The following ITGA7 variants were observed in gnomAD, a reference collection of about 807,000 sequenced individuals.
ITGA7 encodes the protein integrin alpha-7.
ITGA7 carries 84 observed loss-of-function variants against 131.6 expected under a neutral mutation model. The ratio of observed to expected loss-of-function variants is 0.64; its 90% CI spans 0.54 to 0.77. ITGA7 has a LOEUF of 0.77. Ranked by LOEUF, ITGA7 falls within the 30% of genes least tolerant of loss-of-function variation. The pLI is 0.00. For synonymous variants in ITGA7, 548 were observed against 600.7 expected, an observed-to-expected ratio of 0.91 and a Z score of 1.28; for missense variants, 1,399 against 1,482.9, an observed-to-expected ratio of 0.94 and a Z score of 0.93.
chr12:55,707,568 T>C lies in ITGA7; in HGVS notation c.115A>G (p.Met39Val). 1 of 1,613,544 alleles carries C rather than the reference T, an allele frequency of 6.2e-7. No individual in the cohort carries two copies. The highest frequency in any genetic ancestry group is 8.5e-7 in the Non-Finnish European group (1 of 1,179,822). The change falls in exon 1 of 25, where the codon ATG becomes GTG. Residue 39 changes from methionine to valine, a missense_variant. Transcript: ENST00000257879. Reference sequence around the variant, plus strand: ...TCGCCCTCCTTGCGCAAGGCACCCATCACGTCCAGATTGAAGGCGACAGCC... The same window carrying C: ...TCGCCCTCCTTGCGCAAGGCACCCACCACGTCCAGATTGAAGGCGACAGCC... The part of the protein sequence containing the change: ...SRAVAFNLDV[M>V]GALRKEGEPG...
At chr12:55,716,130 G>A (rs756885065), upstream of ITGA7, 5 of 1,610,952 alleles carry the variant, frequency 3.1e-6, no homozygotes, top group South Asian at 2.2e-5. Context: ...CCAGCCCGAC[G>A]TGACCATGCT....
At chr12:55,692,246 G>A (rs961120583) in intron 21 of ITGA7, among the ~76,000 whole-genome samples, 7 of 152,086 alleles carry the variant, frequency 4.6e-5, no homozygotes, top group Non-Finnish European at 7.4e-5. Context: ...GTGAAACCCC[G>A]TCTCTACTAA....
At chr12:55,692,484 AC>A (rs1871649154) in intron 21 of ITGA7, among the ~76,000 whole-genome samples, 1 of 152,228 alleles carries the variant, frequency 6.6e-6, no homozygotes, top group East Asian at 1.9e-4. Flanking sequence ...ACACAAATTG[AC>A]TTTTTTATCT....
Position 55,688,221 on chromosome 12 carries a change from A to G in ITGA7, c.3038T>C (p.Leu1013Pro). ...TVKSSIKNLMLRDASTVIPVM... is the reference protein window; with the variant it reads ...TVKSSIKNLMPRDASTVIPVM... ...GCTCACCACTGTGGAGGCATCTCGG[A>G]GCATCAAGTTCTTTATGGAGGACTT... The change falls in exon 23 of 25, where the codon CTC (leucine) becomes CCC (proline). Residue 1013 changes from leucine (L) to proline (P), a missense_variant. Transcript: ENST00000257879. 1 of 1,614,144 alleles carries G rather than the reference A, an allele frequency of 6.2e-7. No homozygotes were observed. Among genetic ancestry groups the G allele is most frequent in the Non-Finnish European group, 8.5e-7 (1 of 1,180,000 alleles).
Position 55,697,521 on chromosome 12 carries a change from G to A in ITGA7, c.1435C>T (p.His479Tyr), listed in dbSNP as rs866304298. ...CTTCGTGGAGCAATAGAGACCTCAT[G>A]GGAGACATGGAGGATGGGTCTGGCC... ...FRARPILHVS[H>Y]EVSIAPRSID... Residue 479 changes from histidine to tyrosine, a missense_variant, in exon 10 of 25, where the codon CAT becomes TAT. Transcript: ENST00000257879. 2 of 1,613,906 alleles carry A rather than the reference G, an allele frequency of 1.2e-6. No individual in the cohort carries two copies. The highest frequency in any genetic ancestry group is 2.7e-5 in the African/African-American group (2 of 74,936).
At chr12:55,697,160 A>T in intron 11 of ITGA7, 56 bp downstream of exon 11, 2 of 1,569,370 alleles carry the variant, frequency 1.3e-6, no homozygotes, top group South Asian at 1.2e-5. Flanking sequence ...CCTCGAAGTG[A>T]CCCCCCTCCC....
At chr12:55,700,111 G>C in intron 4 of ITGA7, 122 bp from the exon 5 acceptor site, 1 of 1,425,310 alleles carries the variant, frequency 7.0e-7, no homozygotes, top group South Asian at 1.2e-5. Flanking sequence ...GAGAGAAAAA[G>C]AGACCAGAGA....
chr12:55,707,906 C>T, upstream of ITGA7: 1 of 1,406,706 alleles, frequency 7.1e-7, no homozygotes, highest in Non-Finnish European at 9.2e-7. Context: ...GGCGCCCACT[C>T]CGGCTCCCGC....
At chr12:55,699,058 G>C in intron 5 of ITGA7, 141 bp from the exon 6 acceptor site, 1 of 747,764 alleles carries the variant, frequency 1.3e-6, no homozygotes, top group Non-Finnish European at 2.2e-6. Flanking sequence ...CCCTCCCCTA[G>C]GTTAAGAGCC....
chr12:55,705,136 G>A (rs965991128), intron 1 of ITGA7, among the ~76,000 whole-genome samples: 1 of 152,122 alleles, frequency 6.6e-6, no homozygotes, highest in African/African-American at 2.4e-5. Context: ...CAAAAGTAGG[G>A]AGGAGGGGAG....
At position 55,698,502 on chromosome 12, in the gene ITGA7, T is replaced by TA. The variant is rs750756707; in HGVS notation, c.1072dup (p.Tyr358LeufsTer21). 1.6e-5 allele frequency: 26 copies of TA among 1,613,882 alleles called. No homozygotes were observed. The highest frequency in any genetic ancestry group is 2.0e-5 in the Non-Finnish European group (24 of 1,179,934). ...AGCCCAGTGACCCCCCTGGTTCAAG[T>TA]ACACATACACAGCACCCCCCAGCTC... On this transcript the variant is annotated frameshift_variant, in exon 7 of 25. Coordinates refer to ENST00000257879, the MANE Select transcript of ITGA7 (RefSeq NM_002206.3). LOFTEE classifies it high-confidence loss of function.
chr12:55,693,910 C>A, intron 19 of ITGA7, 111 bp downstream of exon 19: 1 of 875,222 alleles, frequency 1.1e-6, no homozygotes, highest in Non-Finnish European at 1.9e-6. Context: ...AGGCCTCAAA[C>A]TGCATGCTGC....
At chr12:55,686,761 C>T (rs1163316961) in intron 24 of ITGA7, among the ~76,000 whole-genome samples, 1 of 152,352 alleles carries the variant, frequency 6.6e-6, no homozygotes, top group East Asian at 1.9e-4. Context: ...TCTGGGTGTA[C>T]AAGAATGCTT....
chr12:55,708,565 T>A (rs1257102630), upstream of ITGA7, among the ~76,000 whole-genome samples: 1 of 149,646 alleles, frequency 6.7e-6, no homozygotes, highest in Non-Finnish European at 1.5e-5. Flanking sequence ...AGGAAAGGAA[T>A]AGAGAGGAAG....
chr12:55,700,068 A>C, intron 4 of ITGA7, 79 bp from the exon 5 acceptor site: 1 of 1,555,768 alleles, frequency 6.4e-7, no homozygotes, highest in South Asian at 1.1e-5. Flanking sequence ...AGCCACAGAA[A>C]GGCCAGAAAA....
intron 21 of ITGA7, among the ~76,000 whole-genome samples, chr12:55,691,640 AAG>A (rs1222037090): frequency 4.6e-5 from 7 of 152,236 alleles, no homozygotes; most frequent in Non-Finnish European, 7.3e-5. Flanking sequence ...TGAAAACAAA[AAG>A]AATCTATTTC....
chr12:55,698,691 C>T lies in ITGA7; in HGVS notation c.998+19G>A, dbSNP rs376661665. ...TAGACCCAGCCTCCCTCAGGTGGCA[C>T]GGCCCTCTACCCACTCACCCATCAC... On this transcript the variant is annotated intron_variant, in intron 6 of 24. Coordinates refer to ENST00000257879, the MANE Select transcript of ITGA7 (RefSeq NM_002206.3). The T allele has an allele frequency of 9.9e-6, 16 of 1,613,400 alleles. No homozygotes were observed. In the African/African-American group the frequency reaches 1.1e-4, roughly 11 times the overall value.
At chr12:55,708,380 T>C (rs1033486736), upstream of ITGA7, among the ~76,000 whole-genome samples, 9 of 152,064 alleles carry the variant, frequency 5.9e-5, no homozygotes, top group Non-Finnish European at 1.3e-4. Flanking sequence ...GCACTCTTTC[T>C]GCTGTTGGGA....
At chr12:55,709,524 T>C (rs1264223422), upstream of ITGA7, among the ~76,000 whole-genome samples, 1 of 152,222 alleles carries the variant, frequency 6.6e-6, no homozygotes, top group African/African-American at 2.4e-5. Flanking sequence ...GAAATACATA[T>C]GCTGTCAGCA....
Sources: allele counts gnomAD v4.1 joint callset (sites outside exome capture counted in the v4.1 genomes callset), GRCh38; gene constraint gnomAD v4.1.1; transcripts MANE v1.5; gene names NCBI Gene and HGNC (gene_info 2026-07-23, HGNC 2026-07-21).